RPL37A: variants seen among roughly 807,000 people sequenced by gnomAD.
The protein encoded by RPL37A is large ribosomal subunit protein eL43.
In RPL37A, 5 loss-of-function variants were observed where a neutral mutation model predicts 13.6. The observed-to-expected ratio is 0.37, with a 90% CI of 0.19 to 0.78. RPL37A has a LOEUF of 0.78. RPL37A is among the 30% of genes least tolerant of loss of function. RPL37A has a pLI of 0.49. For missense variants in RPL37A, 77 were observed against 120.0 expected, an observed-to-expected ratio of 0.64 and a Z score of 1.67; for synonymous variants, 50 against 44.4, an observed-to-expected ratio of 1.13 and a Z score of -0.50.
At chr2:216,500,416 A>C in intron 3 of RPL37A, 1 of 281,418 alleles carries the variant, frequency 3.6e-6, no homozygotes, top group Admixed American at 5.0e-5. Flanking sequence ...ACTTGAGGCC[A>C]TCAGGACCAC....
chr2:216,498,905 A>C, intron 1 of RPL37A, 28 bp downstream of exon 1: 1 of 1,613,840 alleles, frequency 6.2e-7, no homozygotes, highest in Non-Finnish European at 8.5e-7. Flanking sequence ...TGCGGCCTAG[A>C]ACTCTATCTG....
In RPL37A at chr2:216,502,296, T is replaced by A. The variant is rs1047033001; in HGVS notation, c.*892T>A. On this transcript the variant is annotated 3_prime_UTR_variant, in exon 4 of 4. Coordinates refer to ENST00000491306, the MANE Select transcript of RPL37A (RefSeq NM_000998.5). ...GGGCCAGGATCGTGCCACTGCACTT[T>A]ATTTAGCCAGGACAACACTCTGTCT... The A allele has an allele frequency of 7.2e-5, 11 of 152,000 alleles. No homozygotes were observed. The highest frequency in any genetic ancestry group is 2.6e-4 in the Admixed American group (4 of 15,290). 9.4% of individuals were successfully genotyped at this position (152,000 alleles called of 1,614,324 possible). A position where few individuals can be genotyped will look rare whatever the true frequency, so the allele number is the denominator to read the frequency against.
At position 216,501,609 on chromosome 2, in the gene RPL37A, A is replaced by G; in HGVS notation, c.*205A>G. ...AAATGGTAAAATGCAGCATAAGAAT[A>G]TAAGTCTTCCAAGTTAGATATGAGT... is the stretch of plus-strand genomic sequence containing the variant. On this transcript the variant is annotated 3_prime_UTR_variant, in exon 4 of 4. Transcript: ENST00000491306. The G allele has an allele frequency of 9.3e-6, 4 of 432,322 alleles. No homozygotes were observed. Among genetic ancestry groups the G allele is most frequent in the South Asian group, 8.6e-5 (2 of 23,148 alleles). 26.8% of individuals were successfully genotyped at this position (432,322 alleles called of 1,614,324 possible). A position where few individuals can be genotyped will look rare whatever the true frequency, so the allele number is the denominator to read the frequency against.
intron 1 of RPL37A, 29 bp downstream of exon 1, chr2:216,498,906 A>G (rs760852562): frequency 2.9e-5 from 46 of 1,612,574 alleles, no homozygotes; most frequent in Non-Finnish European, 3.9e-5. Context: ...GCGGCCTAGA[A>G]CTCTATCTGC....
rs569813236 is a variant in RPL37A, at chr2:216,504,027, A to C, written c.*2623A>C. ...AGTGGTTTTCTGAGCCTTTGACTCT[A>C]AGTCATCTAATTGAACATTGTGTTG... On this transcript the variant is annotated 3_prime_UTR_variant, in exon 4 of 4. Coordinates refer to ENST00000491306, the MANE Select transcript of RPL37A (RefSeq NM_000998.5). 38 of 152,324 alleles carry C rather than the reference A, an allele frequency of 2.5e-4. No individual in the cohort carries two copies. The highest frequency in any genetic ancestry group is 7.7e-4 in the African/African-American group (32 of 41,562). The allele number at this position is 152,324 out of a possible 1,614,324, so 9.4% of individuals were successfully genotyped here.
intron 2 of RPL37A, chr2:216,499,670 T>C (rs558505796): frequency 1.6e-6 from 1 of 632,302 alleles, no homozygotes; most frequent in East Asian, 2.8e-5. Context: ...TTGTGGGAAA[T>C]GATTCCATCA....
At chr2:216,499,025 C>T (rs1695550230) in intron 1 of RPL37A, 148 bp downstream of exon 1, 2 of 1,331,932 alleles carry the variant, frequency 1.5e-6, no homozygotes, top group Admixed American at 2.1e-5. Context: ...CGGAAGCTCC[C>T]CAAGGCGGAG....
rs1200764970 is a variant in RPL37A at position 216,503,236 on chromosome 2, T to A, written c.*1832T>A. 2 of 152,204 alleles carry A rather than the reference T, an allele frequency of 1.3e-5. No individual in the cohort carries two copies. Among genetic ancestry groups the A allele is most frequent in the Non-Finnish European group, 2.9e-5 (2 of 68,038 alleles). 9.4% of individuals were successfully genotyped at this position (152,204 alleles called of 1,614,324 possible). A position where few individuals can be genotyped will look rare whatever the true frequency, so the allele number is the denominator to read the frequency against. On this transcript the variant is annotated 3_prime_UTR_variant, in exon 4 of 4. Coordinates refer to ENST00000491306, the MANE Select transcript of RPL37A (RefSeq NM_000998.5). ...CAAACTGCCTAGATAGTTGGGTGAC[T>A]TGGGTTAAGTGACTTAACCTCTCTG...
Position 216,502,072 on chromosome 2 carries a change from AT to A in RPL37A, c.*669del, listed in dbSNP as rs1438236813. 1.3e-5 allele frequency: 2 copies of A among 152,044 alleles called. No homozygotes were observed. Among genetic ancestry groups the A allele is most frequent in the Non-Finnish European group, 2.9e-5 (2 of 68,024 alleles). 9.4% of individuals were successfully genotyped at this position (152,044 alleles called of 1,614,324 possible). On this transcript the variant is annotated 3_prime_UTR_variant, in exon 4 of 4. Coordinates refer to ENST00000491306, the MANE Select transcript of RPL37A (RefSeq NM_000998.5). ...CTGGGTGCGGTGACTCACGCCTGAA[AT>A]CCCAGCACTTTGGGTGGCTGAGGCA...
At chr2:216,499,863 T>A in intron 2 of RPL37A, 86 bp from the exon 3 acceptor site, 1 of 1,144,636 alleles carries the variant, frequency 8.7e-7, no homozygotes. Context: ...TCCCTGACAA[T>A]AAGGTGAATC....
At chr2:216,499,540 A>G in intron 2 of RPL37A, 142 bp downstream of exon 2, 1 of 1,035,550 alleles carries the variant, frequency 9.7e-7, no homozygotes, top group Non-Finnish European at 1.4e-6. Flanking sequence ...GTTTTAAGAT[A>G]AAAGTGTTGA....
In RPL37A at chr2:216,503,425, GTGTC is replaced by G. The variant is rs1181415356; in HGVS notation, c.*2026_*2029del. 4 of 152,140 alleles carry G rather than the reference GTGTC, an allele frequency of 2.6e-5. No homozygotes were observed. Among genetic ancestry groups the G allele is most frequent in the African/African-American group, 9.7e-5 (4 of 41,424 alleles). The allele number at this position is 152,140 out of a possible 1,614,324, so 9.4% of individuals were successfully genotyped here. A position where few individuals can be genotyped will look rare whatever the true frequency, so the allele number is the denominator to read the frequency against. ...TGCTTTTTGTTTGTTTTCTGAGAGA[GTGTC>G]TGTCACCCAGGCTGAAGTGCAGTGG... On this transcript the variant is annotated 3_prime_UTR_variant, in exon 4 of 4. Transcript: ENST00000491306.
chr2:216,499,385 C>T lies in RPL37A; in HGVS notation c.119C>T (p.Ser40Phe), dbSNP rs1286579775. Residue 40 changes from serine (S) to phenylalanine (F), a missense_variant, in exon 2 of 4, where the codon TCT becomes TTT. Ser to Phe is a radical substitution (Grantham distance 155). Around this residue, in one of 3 missense-constraint regions of RPL37A, gnomAD observed 59 missense variants for 65.5 expected, o/e 0.90. Coordinates refer to ENST00000491306, the MANE Select transcript of RPL37A (RefSeq NM_000998.5). ...EISQHAKYTC[S>F]FCGKTKMKRR... ...AGCCAGCACGCCAAGTACACTTGCT[C>T]TTTCTGTGGCAAAGTAAGTAAGGCA... 5 of 1,614,018 alleles carry T rather than the reference C, an allele frequency of 3.1e-6. No individual in the cohort carries two copies. In the East Asian group the frequency reaches 6.7e-5, roughly 22 times the overall value.
rs771769433 is a variant in RPL37A at position 216,503,233 on chromosome 2, G to A, written c.*1829G>A. The A allele has an allele frequency of 2.0e-5, 3 of 152,290 alleles. No individual in the cohort carries two copies. The highest frequency in any genetic ancestry group is 2.9e-5 in the Non-Finnish European group (2 of 68,020). 9.4% of individuals were successfully genotyped at this position (152,290 alleles called of 1,614,324 possible). A position where few individuals can be genotyped will look rare whatever the true frequency, so the allele number is the denominator to read the frequency against. ...AGCCAAACTGCCTAGATAGTTGGGT[G>A]ACTTGGGTTAAGTGACTTAACCTCT... On this transcript the variant is annotated 3_prime_UTR_variant, in exon 4 of 4. Transcript: ENST00000491306.
In RPL37A at chr2:216,501,599, G is replaced by T. The variant is rs1291201501; in HGVS notation, c.*195G>T. On this transcript the variant is annotated 3_prime_UTR_variant, in exon 4 of 4. Transcript: ENST00000491306. ...TTTAGTAGTCAAATGGTAAAATGCA[G>T]CATAAGAATATAAGTCTTCCAAGTT... 4.3e-6 allele frequency: 2 copies of T among 466,770 alleles called. No individual in the cohort carries two copies. The highest frequency in any genetic ancestry group is 7.6e-6 in the Non-Finnish European group (2 of 262,508). The allele number at this position is 466,770 out of a possible 1,614,324, so 28.9% of individuals were successfully genotyped here.
At position 216,501,484 on chromosome 2, in the gene RPL37A, A is replaced by G. The variant is rs745685617; in HGVS notation, c.*80A>G. On this transcript the variant is annotated 3_prime_UTR_variant, in exon 4 of 4. Coordinates refer to ENST00000491306, the MANE Select transcript of RPL37A (RefSeq NM_000998.5). ...GTAACAAAATTGCCTTGGCTTGTTA[A>G]CTTTATTAGACATTCTGATGTTTGC... The G allele has an allele frequency of 1.1e-6, 1 of 909,426 alleles. No individual in the cohort carries two copies. The highest frequency in any genetic ancestry group is 2.0e-5 in the Admixed American group (1 of 49,330). The allele number at this position is 909,426 out of a possible 1,614,324, so 56.3% of individuals were successfully genotyped here.
At chr2:216,498,916 C>T (rs755807644) in intron 1 of RPL37A, 39 bp downstream of exon 1, 2 of 1,613,218 alleles carry the variant, frequency 1.2e-6, no homozygotes, top group Non-Finnish European at 1.7e-6. Context: ...ACTCTATCTG[C>T]CTGCATCTGT....
rs2106109392 is a variant in RPL37A at position 216,499,721 on chromosome 2, CTG to C, written c.133-225_133-224del. The C allele has an allele frequency of 7.3e-6, 5 of 686,344 alleles. No homozygotes were observed. The South Asian group carries it at 7.7e-5, about 11-fold the overall frequency. The allele number at this position is 686,344 out of a possible 1,614,324, so 42.5% of individuals were successfully genotyped here. A position where few individuals can be genotyped will look rare whatever the true frequency, so the allele number is the denominator to read the frequency against. ...GTTTCTGCACCAACTCCCAAGATGT[CTG>C]TGCATCTAATACCATTCTACTTGTT... On this transcript the variant is annotated intron_variant, in intron 2 of 3. Coordinates refer to ENST00000491306, the MANE Select transcript of RPL37A (RefSeq NM_000998.5).
At chr2:216,499,615 AAAT>A (rs1252425713) in intron 2 of RPL37A, 26 of 655,552 alleles carry the variant, frequency 4.0e-5, no homozygotes, top group Non-Finnish European at 6.4e-5. Flanking sequence ...TTAATGGGTA[AAAT>A]AATCATTTGA....
Sources: gnomAD v4.1 joint callset for allele counts on GRCh38, gnomAD v4.1.1 for gene constraint, gnomAD v4.1.1 regional missense constraint, MANE v1.5 for transcripts, NCBI Gene and HGNC (gene_info 2026-07-23, HGNC 2026-07-21) for gene names.